The following BBIP1 variants were observed in gnomAD, a reference collection of about 807,000 sequenced individuals.
BBIP1 encodes the protein BBSome-interacting protein 1.
A neutral mutation model predicts 8.9 loss-of-function variants in BBIP1; 6 were observed. That is an observed-to-expected ratio of 0.67 (90% CI 0.37 to 1.33). BBIP1 has a LOEUF of 1.33. BBIP1 is among the 40% of genes most tolerant of loss of function. The probability of loss-of-function intolerance (pLI) is 0.02; values close to 1 mark genes in which losing one functional copy is unlikely to be tolerated. For missense variants in BBIP1, 111 were observed against 109.2 expected, an observed-to-expected ratio of 1.02 and a Z score of -0.07; for synonymous variants, 32 against 33.4, an observed-to-expected ratio of 0.96 and a Z score of 0.14.
In BBIP1 at chr10:110,901,597, G is replaced by GAT. The variant is rs750348652; in HGVS notation, c.51_52dup (p.Ser18TyrfsTer10). ...CACTTCTGCCATATCTGAGTTGTTGGATATAGTGTTTTTTCCTTCAATGAG... is the reference window on the plus strand; with the variant it reads ...CACTTCTGCCATATCTGAGTTGTTGGATATATAGTGTTTTTTCCTTCAATGAG... On this transcript the variant is annotated frameshift_variant, in exon 3 of 4. Coordinates refer to ENST00000448814, the MANE Select transcript of BBIP1 (RefSeq NM_001195305.3). LOFTEE classifies it high-confidence loss of function. 3.9e-6 allele frequency: 6 copies of GAT among 1,535,146 alleles called. No individual in the cohort carries two copies. In the South Asian group the frequency reaches 7.1e-5, roughly 18 times the overall value.
chr10:110,905,551 G>T (rs986292279), intron 2 of BBIP1, among the ~76,000 whole-genome samples: 5 of 150,916 alleles, frequency 3.3e-5, no homozygotes, highest in African/African-American at 1.2e-4. Context: ...GACAGACCGA[G>T]ACTCCGTCCT....
chr10:110,900,160 TTAAC>T lies in BBIP1; in HGVS notation c.*196_*199del, dbSNP rs1230470368. The T allele has an allele frequency of 2.0e-6, 1 of 488,696 alleles. No individual in the cohort carries two copies. Among genetic ancestry groups the T allele is most frequent in the African/African-American group, 2.0e-5 (1 of 49,906 alleles). The allele number at this position is 488,696 out of a possible 1,614,324, so 30.3% of individuals were successfully genotyped here. A position where few individuals can be genotyped will look rare whatever the true frequency, so the allele number is the denominator to read the frequency against. On this transcript the variant is annotated 3_prime_UTR_variant, in exon 4 of 4. Coordinates refer to ENST00000448814, the MANE Select transcript of BBIP1 (RefSeq NM_001195305.3). ...AACCCCATAAAACTTGGTTCATAGT[TTAAC>T]TGTTTATGTTCAATACAAACCAGAG... is the stretch of plus-strand genomic sequence containing the variant.
At chr10:110,917,423 TG>T (rs1846436539) in intron 2 of BBIP1, among the ~76,000 whole-genome samples, 2 of 151,838 alleles carry the variant, frequency 1.3e-5, no homozygotes, top group South Asian at 4.2e-4. Context: ...TTTATGACAA[TG>T]AAAAAGTGGG....
intron 2 of BBIP1, chr10:110,903,730 A>G (rs747225924): frequency 6.6e-6 from 1 of 152,174 alleles, no homozygotes; most frequent in Non-Finnish European, 1.5e-5. Context: ...CCTAGATGGT[A>G]TAGCCTCTTA....
chr10:110,901,282 T>TA (rs753302558), intron 3 of BBIP1: 13 of 461,494 alleles, frequency 2.8e-5, no homozygotes, highest in Non-Finnish European at 4.4e-5. Flanking sequence ...ACCTGTCTCT[T>TA]AAAAAAAATT....
chr10:110,909,844 A>G (rs762096828), intron 2 of BBIP1, among the ~76,000 whole-genome samples: 3 of 152,240 alleles, frequency 2.0e-5, no homozygotes, highest in Non-Finnish European at 2.9e-5. Context: ...CAAATGTAAC[A>G]TAAAAATAAT....
At chr10:110,917,737 T>C (rs1255221959) in intron 2 of BBIP1, among the ~76,000 whole-genome samples, 1 of 152,214 alleles carries the variant, frequency 6.6e-6, no homozygotes, top group Non-Finnish European at 1.5e-5. Flanking sequence ...AATAATATCA[T>C]GTGCATGGTG....
At position 110,899,337 on chromosome 10, in the gene BBIP1, TGGGCTTTATCAA is replaced by T. The variant is rs1441291023; in HGVS notation, c.*1011_*1022del. On this transcript the variant is annotated 3_prime_UTR_variant, in exon 4 of 4. Coordinates refer to ENST00000448814, the MANE Select transcript of BBIP1 (RefSeq NM_001195305.3). Reference sequence around the variant, plus strand: ...AAGTTTAGTGTTCATATTTACCTCATGGGCTTTATCAAGCCCATATTACCTCAGCTTATATAT... The same window carrying T: ...AAGTTTAGTGTTCATATTTACCTCATGCCCATATTACCTCAGCTTATATAT... The T allele has an allele frequency of 6.6e-6, 1 of 152,238 alleles. No individual in the cohort carries two copies. The highest frequency in any genetic ancestry group is 1.5e-5 in the Non-Finnish European group (1 of 68,048). 9.4% of individuals were successfully genotyped at this position (152,238 alleles called of 1,614,324 possible). A position where few individuals can be genotyped will look rare whatever the true frequency, so the allele number is the denominator to read the frequency against.
Position 110,918,146 on chromosome 10 carries a change from A to T in BBIP1, c.12T>A (p.Ala4=). MLK[A]AAKRPELSGK... is the part of the protein sequence containing the mutation. Reference sequence around the variant, plus strand: ...CTGAAAGTTCTGGTCTTTTTGCTGCAGCTTTAAGCATCCAACCCGGTATTA... The same window carrying T: ...CTGAAAGTTCTGGTCTTTTTGCTGCTGCTTTAAGCATCCAACCCGGTATTA... Residue 4 remains alanine, a synonymous_variant, in exon 2 of 4, where the codon GCT becomes GCA. Coordinates refer to ENST00000448814, the MANE Select transcript of BBIP1 (RefSeq NM_001195305.3). 1 of 1,536,048 alleles carries T rather than the reference A, an allele frequency of 6.5e-7. No homozygotes were observed. Among genetic ancestry groups the T allele is most frequent in the Non-Finnish European group, 8.7e-7 (1 of 1,146,816 alleles).
chr10:110,914,202 C>A (rs1213471078), intron 2 of BBIP1, among the ~76,000 whole-genome samples: 1 of 152,068 alleles, frequency 6.6e-6, no homozygotes, highest in Non-Finnish European at 1.5e-5. Context: ...TCTCTGGGAA[C>A]TGAAGGAGTA....
intron 2 of BBIP1, chr10:110,907,059 C>G (rs547566522): frequency 3.3e-5 from 5 of 152,362 alleles, no homozygotes; most frequent in African/African-American, 1.2e-4. Flanking sequence ...TGCAGAAGCA[C>G]TACTTACTTA....
chr10:110,908,822 C>T (rs930214306), intron 2 of BBIP1, among the ~76,000 whole-genome samples: 27 of 150,626 alleles, frequency 1.8e-4, no homozygotes, highest in African/African-American at 6.3e-4. Context: ...TACGAGCAAT[C>T]TGTCTGGAAA....
chr10:110,912,701 T>A (rs1846307015), intron 2 of BBIP1, among the ~76,000 whole-genome samples: 1 of 152,202 alleles, frequency 6.6e-6, no homozygotes, highest in Non-Finnish European at 1.5e-5. Context: ...CGGATGTTTT[T>A]AAAACTGTCC....
intron 2 of BBIP1, chr10:110,907,348 C>CA: frequency 6.1e-6 from 1 of 162,970 alleles, no homozygotes; most frequent in South Asian, 1.9e-4. Context: ...CTCATCTCTA[C>CA]AAAAAATTAA....
At chr10:110,905,878 T>C (rs1364548207) in intron 2 of BBIP1, among the ~76,000 whole-genome samples, 1 of 152,062 alleles carries the variant, frequency 6.6e-6, no homozygotes, top group Admixed American at 6.5e-5. Context: ...TAACAGCAAT[T>C]TGATAGCTAC....
intron 3 of BBIP1, 61 bp downstream of exon 3, chr10:110,901,477 C>T: frequency 5.7e-6 from 7 of 1,218,186 alleles, no homozygotes; most frequent in Non-Finnish European, 8.2e-6. Flanking sequence ...CTATGTGACA[C>T]TGCCTATGAC....
At chr10:110,916,637 C>A (rs1482670730) in intron 2 of BBIP1, among the ~76,000 whole-genome samples, 1 of 152,194 alleles carries the variant, frequency 6.6e-6, no homozygotes, top group African/African-American at 2.4e-5. Flanking sequence ...TTGATAACAT[C>A]AAGATTCATC....
At chr10:110,907,883 T>C (rs1846184875) in intron 2 of BBIP1, 3 of 649,680 alleles carry the variant, frequency 4.6e-6, no homozygotes, top group Non-Finnish European at 8.2e-6. Flanking sequence ...CAGGACTGTT[T>C]AGAAACTTTA....
At chr10:110,902,281 T>C (rs145971987) in intron 2 of BBIP1, 1 of 153,446 alleles carries the variant, frequency 6.5e-6, no homozygotes, top group East Asian at 1.9e-4. Flanking sequence ...CTATTTGTTA[T>C]GAACATCCCA....
Sources: allele counts gnomAD v4.1 joint callset (sites outside exome capture counted in the v4.1 genomes callset), GRCh38; gene constraint gnomAD v4.1.1; transcripts MANE v1.5; gene names NCBI Gene and HGNC (gene_info 2026-07-23, HGNC 2026-07-21).